Variants in ASMTL observed in about 807,000 individuals in gnomAD.
ASMTL encodes acetylserotonin O-methyltransferase like.
In ASMTL, 57 loss-of-function variants were observed where a neutral mutation model predicts 60.3. The ratio of observed to expected loss-of-function variants is 0.95; its 90% CI spans 0.76 to 1.18. The LOEUF is 1.18. Ranked by LOEUF, ASMTL falls within the 50% of genes most tolerant of loss-of-function variation. The pLI is 0.00. For missense variants in ASMTL, 981 were observed against 852.6 expected (o/e 1.15, Z -1.88); for synonymous variants, 419 against 373.0 (o/e 1.12, Z -1.42).
In ASMTL at chrX:1,452,904, C is replaced by A. The variant is rs774872181; in HGVS notation, c.-64G>T. ...CCCGGAGCCCGCGGTGCGCGCAGCG[C>A]GGCTGCAAAAAAAACAGGCGGCCAG... is the stretch of plus-strand genomic sequence containing the variant. On this transcript the variant is annotated 5_prime_UTR_variant, in exon 1 of 13. Coordinates refer to ENST00000381317, the MANE Select transcript of ASMTL (RefSeq NM_004192.4). 2.4e-5 allele frequency: 31 copies of A among 1,312,508 alleles called. 1 individual carries two copies. Among genetic ancestry groups the A allele is most frequent in the South Asian group, 8.6e-5 (6 of 70,160 alleles). The allele number at this position is 1,312,508 out of a possible 1,614,324, so 81.3% of individuals were successfully genotyped here. A position where few individuals can be genotyped will look rare whatever the true frequency, so the allele number is the denominator to read the frequency against.
intron 11 of ASMTL, among the ~76,000 whole-genome samples, chrX:1,417,528 C>CAG (rs1256186318): frequency 2.9e-5 from 4 of 137,062 alleles, no homozygotes; most frequent in East Asian, 4.3e-4. Flanking sequence ...GACATGCACA[C>CAG]ACACACACAT....
At chrX:1,406,206 A>G (rs1329724266) in intron 12 of ASMTL, among the ~76,000 whole-genome samples, 2 of 138,024 alleles carry the variant, frequency 1.4e-5, no homozygotes, top group Non-Finnish European at 3.1e-5. Flanking sequence ...TGGATGGATG[A>G]GATGGATGGA....
At chrX:1,412,891 A>T in intron 11 of ASMTL, 37 bp from the exon 12 acceptor site, 1 of 1,612,942 alleles carries the variant, frequency 6.2e-7, no homozygotes, top group African/African-American at 1.3e-5. Context: ...TCCGTCAGGT[A>T]TGGAAGAAGC....
At chrX:1,414,906 G>T in intron 11 of ASMTL, among the ~76,000 whole-genome samples, 1 of 151,718 alleles carries the variant, frequency 6.6e-6, no homozygotes, top group Non-Finnish European at 1.5e-5. Context: ...CTGTCGGATG[G>T]TGCTGAGTTA....
chrX:1,436,446 G>A (rs1161004854), intron 3 of ASMTL, among the ~76,000 whole-genome samples: 8 of 151,614 alleles, frequency 5.3e-5, no homozygotes, highest in Admixed American at 3.3e-4. Context: ...TCCGCCTCCC[G>A]GGTTCACGCC....
At chrX:1,425,461 C>G in intron 8 of ASMTL, 64 bp downstream of exon 8, 1 of 1,570,734 alleles carries the variant, frequency 6.4e-7, no homozygotes, top group South Asian at 1.1e-5. Context: ...GGCTCCAGGT[C>G]ACCTTCCCTC....
At chrX:1,452,467 C>G (rs1458311532) in intron 1 of ASMTL, among the ~76,000 whole-genome samples, 1 of 150,284 alleles carries the variant, frequency 6.7e-6, no homozygotes, top group African/African-American at 2.5e-5. Context: ...CTAGGGGTCC[C>G]GGGTTACGAT....
At position 1,427,957 on chromosome X, in the gene ASMTL, T is replaced by A; in HGVS notation, c.674A>T (p.Lys225Met). The change falls in exon 7 of 13, where the codon AAG (lysine) becomes ATG (methionine). Residue 225 changes from lysine (K) to methionine (M), a missense_variant. Physicochemically the swap from Lys to Met is moderately conservative, Grantham distance 95 (BLOSUM62 -1). Transcript: ENST00000381317. ...GTCCGCGGCCGGGATGGAGTCGTGC[T>A]TGACACTCCGCCGCAGGTCCTCCGG... ...PRPEDLRRSV[K>M]HDSIPAADTF... 2.5e-6 allele frequency: 4 copies of A among 1,613,494 alleles called. No homozygotes were observed. Among genetic ancestry groups the A allele is most frequent in the Non-Finnish European group, 2.5e-6 (3 of 1,179,834 alleles).
chrX:1,416,038 G>A (rs1465659800), intron 11 of ASMTL, among the ~76,000 whole-genome samples: 1 of 43,810 alleles, frequency 2.3e-5, no homozygotes, highest in East Asian at 9.5e-4. Flanking sequence ...CACAGATACA[G>A]TGACAGGCAC....
chrX:1,444,312 G>C (rs777335272), intron 1 of ASMTL, among the ~76,000 whole-genome samples: 2 of 151,236 alleles, frequency 1.3e-5, no homozygotes, highest in Non-Finnish European at 2.9e-5. Flanking sequence ...AGGATCAAGC[G>C]ATTCTCCTGC....
At chrX:1,437,895 CAAA>C (rs111281481) in intron 3 of ASMTL, among the ~76,000 whole-genome samples, 1 of 126,264 alleles carries the variant, frequency 7.9e-6, no homozygotes. Flanking sequence ...GACTCCATCT[CAAA>C]AAAAAAAAAA....
intron 12 of ASMTL, among the ~76,000 whole-genome samples, chrX:1,410,458 A>C (rs1183589861): frequency 1.3e-5 from 2 of 151,014 alleles, no homozygotes; most frequent in African/African-American, 4.9e-5. Flanking sequence ...TGTGTTGCCC[A>C]GGCTGGAGTG....
intron 6 of ASMTL, among the ~76,000 whole-genome samples, chrX:1,429,774 G>A (rs1467844225): frequency 6.6e-6 from 1 of 151,580 alleles, no homozygotes; most frequent in Non-Finnish European, 1.5e-5. Flanking sequence ...TCCAGCCTGG[G>A]TGACGGAGGA....
chrX:1,432,255 C>A lies in ASMTL; in HGVS notation c.509+14G>T, dbSNP rs369787023. 47 of 1,593,220 alleles carry A rather than the reference C, an allele frequency of 2.9e-5. No homozygotes were observed. The highest frequency in any genetic ancestry group is 2.0e-4 in the Middle Eastern group (1 of 4,958). ...ACACGTGTCCCCCGTCCCCCCACCG[C>A]CCCCGAGACTCACATGGGCTCCCCG... On this transcript the variant is annotated intron_variant, in intron 6 of 12. Coordinates refer to ENST00000381317, the MANE Select transcript of ASMTL (RefSeq NM_004192.4).
upstream of ASMTL, chrX:1,453,038 A>G: frequency 2.0e-6 from 1 of 509,834 alleles, no homozygotes; most frequent in Non-Finnish European, 3.2e-6. Flanking sequence ...GCCTCCATTG[A>G]ACACTCCGTC....
chrX:1,413,957 G>A (rs2090137361), intron 11 of ASMTL: 2 of 151,760 alleles, frequency 1.3e-5, no homozygotes, highest in African/African-American at 4.8e-5. Flanking sequence ...CAAAAGATCT[G>A]TCCAAGTCCT....
Position 1,420,097 on chromosome X carries a change from C to A in ASMTL, c.1246-983G>T, listed in dbSNP as rs1219411900. Among the ~76,000 whole-genome samples, 3 of 151,578 alleles carry A rather than the reference C, an allele frequency of 2.0e-5. No homozygotes were observed. In the East Asian group the frequency reaches 5.8e-4, roughly 29 times the overall value. On this transcript the variant is annotated intron_variant, in intron 9 of 12. Coordinates refer to ENST00000381317, the MANE Select transcript of ASMTL (RefSeq NM_004192.4). ...CTGCCTCTATCTCTGTCTCTCCAAG[C>A]CTCCCTGTCTCTGTCTCCCATCTCC... is the stretch of plus-strand genomic sequence containing the variant.
intron 8 of ASMTL, among the ~76,000 whole-genome samples, chrX:1,422,723 C>G (rs1174064881): frequency 6.6e-6 from 1 of 152,040 alleles, no homozygotes; most frequent in African/African-American, 2.4e-5. Context: ...TTACTGTTTT[C>G]CCACCGAGCT....
chrX:1,443,568 C>A (rs371409981), intron 1 of ASMTL, among the ~76,000 whole-genome samples: 1 of 150,996 alleles, frequency 6.6e-6, no homozygotes, highest in African/African-American at 2.4e-5. Flanking sequence ...GGACACACAC[C>A]GCCATCATGG....
Sources: allele counts gnomAD v4.1 joint callset (sites outside exome capture counted in the v4.1 genomes callset), GRCh38; gene constraint gnomAD v4.1.1; transcripts MANE v1.5; gene names NCBI Gene and HGNC (gene_info 2026-07-23, HGNC 2026-07-21).